COMMD10: variants seen among roughly 807,000 people sequenced by gnomAD.
COMMD10 encodes the protein COMM domain-containing protein 10.
A neutral mutation model predicts 28.9 loss-of-function variants in COMMD10; 33 were observed. The ratio of observed to expected loss-of-function variants is 1.14; its 90% confidence interval spans 0.87 to 1.53. COMMD10 has a LOEUF of 1.53. Ranked by LOEUF, COMMD10 falls within the 40% of genes most tolerant of loss-of-function variation. COMMD10 has a pLI of 0.00. For missense variants in COMMD10, 310 were observed against 233.4 expected, an observed-to-expected ratio of 1.33 and a Z score of -2.14; for synonymous variants, 110 against 81.7, an observed-to-expected ratio of 1.35 and a Z score of -1.87.
At chr5:116,278,961 C>G (rs1479756846) in intron 5 of COMMD10, among the ~76,000 whole-genome samples, 1 of 151,818 alleles carries the variant, frequency 6.6e-6, no homozygotes, top group Non-Finnish European at 1.5e-5. Flanking sequence ...TCCACTTATT[C>G]TGATATTTTC....
intron 5 of COMMD10, among the ~76,000 whole-genome samples, chr5:116,168,870 G>C (rs1026333903): frequency 2.6e-5 from 4 of 152,164 alleles, no homozygotes; most frequent in Admixed American, 2.6e-4. Flanking sequence ...GCCCACAGGA[G>C]AAAGCGGGAA....
intron 5 of COMMD10, among the ~76,000 whole-genome samples, chr5:116,150,177 TG>T (rs1561632234): frequency 6.6e-6 from 1 of 152,068 alleles, no homozygotes; most frequent in African/African-American, 2.4e-5. Context: ...AGCTATGCAG[TG>T]TTACTTCTGA....
At chr5:116,097,927 C>G (rs1389164990) in intron 4 of COMMD10, among the ~76,000 whole-genome samples, 2 of 152,050 alleles carry the variant, frequency 1.3e-5, no homozygotes, top group African/African-American at 2.4e-5. Flanking sequence ...AAGCCTGCCC[C>G]CATGATCCAG....
intron 5 of COMMD10, among the ~76,000 whole-genome samples, chr5:116,251,563 G>A (rs941925129): frequency 2.7e-5 from 4 of 150,526 alleles, no homozygotes; most frequent in Admixed American, 6.6e-5. Flanking sequence ...TTGTTCTTGC[G>A]ATAGTTTACT....
chr5:116,106,136 C>A (rs1388170126), intron 4 of COMMD10, among the ~76,000 whole-genome samples: 1 of 149,900 alleles, frequency 6.7e-6, no homozygotes, highest in Non-Finnish European at 1.5e-5. Flanking sequence ...CTATAAATTT[C>A]CCTCTGCACA....
intron 5 of COMMD10, among the ~76,000 whole-genome samples, chr5:116,260,394 A>G (rs943084172): frequency 5.3e-5 from 8 of 151,834 alleles, no homozygotes; most frequent in Non-Finnish European, 8.8e-5. Flanking sequence ...TTTAAGAACA[A>G]CTTGCTTAAG....
intron 5 of COMMD10, among the ~76,000 whole-genome samples, chr5:116,263,578 C>T (rs948761050): frequency 6.6e-6 from 1 of 151,612 alleles, no homozygotes; most frequent in Non-Finnish European, 1.5e-5. Context: ...CATTTTACAG[C>T]CTGCTCTCTC....
At chr5:116,219,279 T>TA (rs772491595) in intron 5 of COMMD10, among the ~76,000 whole-genome samples, 9 of 152,122 alleles carry the variant, frequency 5.9e-5, no homozygotes, top group Non-Finnish European at 1.0e-4. Flanking sequence ...AACCGATACA[T>TA]ACAGTTTTCT....
chr5:116,148,028 A>G (rs949830636), intron 5 of COMMD10, among the ~76,000 whole-genome samples: 1 of 151,710 alleles, frequency 6.6e-6, no homozygotes, highest in African/African-American at 2.4e-5. Flanking sequence ...TCCATTTCTT[A>G]TTTCTTTTTT....
At chr5:116,100,633 T>C (rs1343244936) in intron 4 of COMMD10, among the ~76,000 whole-genome samples, 1 of 151,904 alleles carries the variant, frequency 6.6e-6, no homozygotes, top group Non-Finnish European at 1.5e-5. Context: ...AAGACACTTC[T>C]TTTTATCTCT....
At chr5:116,196,431 C>G (rs1018100587) in intron 5 of COMMD10, among the ~76,000 whole-genome samples, 4 of 151,696 alleles carry the variant, frequency 2.6e-5, no homozygotes, top group African/African-American at 9.7e-5. Flanking sequence ...CAAAATCTCA[C>G]AAATCTCCAC....
At chr5:116,198,300 A>G (rs1352680313) in intron 5 of COMMD10, among the ~76,000 whole-genome samples, 1 of 152,180 alleles carries the variant, frequency 6.6e-6, no homozygotes, top group African/African-American at 2.4e-5. Context: ...TTGTATTGAC[A>G]TAATTGGTTG....
intron 5 of COMMD10, among the ~76,000 whole-genome samples, chr5:116,174,104 A>T (rs10058275): frequency 0.31 from 47,104 of 151,914 alleles, 10,213 homozygotes; most frequent in African/African-American, 0.62. Context: ...TAAGTAGGAT[A>T]TGGAGATGGA....
intron 5 of COMMD10, among the ~76,000 whole-genome samples, chr5:116,275,947 GA>G (rs35220875): frequency 4.3e-4 from 63 of 146,400 alleles, no homozygotes; most frequent in Middle Eastern, 3.5e-3. Flanking sequence ...GAAATAAACT[GA>G]AAAAAAAATG....
chr5:116,129,234 C>G lies in COMMD10; in HGVS notation c.400-4834C>G, dbSNP rs534635839. ...CCCATATATTCTTTATCCTGATTCA[C>G]CAATTGTTTACATTTGTTTTACGTT... On this transcript the variant is annotated intron_variant, in intron 4 of 6. Coordinates refer to ENST00000274458, the MANE Select transcript of COMMD10 (RefSeq NM_016144.4). 6.6e-5 allele frequency among the ~76,000 whole-genome samples: 10 copies of G among 151,014 alleles called. No homozygotes were observed. In the East Asian group the frequency reaches 7.8e-4, roughly 12 times the overall value.
Position 116,292,547 on chromosome 5 carries a change from A to T in COMMD10, c.*58A>T, listed in dbSNP as rs1751396253. 4.2e-6 allele frequency: 6 copies of T among 1,426,948 alleles called. No homozygotes were observed. Among genetic ancestry groups the T allele is most frequent in the Non-Finnish European group, 5.8e-6 (6 of 1,041,924 alleles). 88.4% of individuals were successfully genotyped at this position (1,426,948 alleles called of 1,614,324 possible). On this transcript the variant is annotated 3_prime_UTR_variant, in exon 7 of 7. Transcript: ENST00000274458. The stretch of plus-strand genomic sequence containing the variant: ...CTGCCACCTCATTATTTTGCATTGA[A>T]GATACATTGCCAGGTTGTGTTTTCT...
chr5:116,178,653 A>G (rs1277976028), intron 5 of COMMD10, among the ~76,000 whole-genome samples: 5 of 152,132 alleles, frequency 3.3e-5, no homozygotes, highest in African/African-American at 1.2e-4. Context: ...ATATTATAGC[A>G]TCAGGAGATA....
rs113340692 is a variant in COMMD10, at chr5:116,231,257, C to T, written c.511-60260C>T. Among the ~76,000 whole-genome samples, 316 of 152,118 alleles carry T rather than the reference C, an allele frequency of 2.1e-3. 3 individuals are homozygous for T. The highest frequency in any genetic ancestry group is 7.1e-3 in the African/African-American group (293 of 41,502). On this transcript the variant is annotated intron_variant, in intron 5 of 6. Transcript: ENST00000274458. ...AGGGATATCTTGTTAATAAATTTACCGACTACTCACTTGGAATTTTTGATG... is the reference window on the plus strand; with the variant it reads ...AGGGATATCTTGTTAATAAATTTACTGACTACTCACTTGGAATTTTTGATG...
intron 5 of COMMD10, among the ~76,000 whole-genome samples, chr5:116,135,601 A>G (rs7715759): frequency 0.5 from 76,791 of 152,102 alleles, 21,997 homozygotes; most frequent in Non-Finnish European, 0.65. Context: ...ATAGGTGAGT[A>G]CAGTACAGTA....
Sources: allele counts gnomAD v4.1 joint callset (sites outside exome capture counted in the v4.1 genomes callset), GRCh38; gene constraint gnomAD v4.1.1; transcripts MANE v1.5; gene names NCBI Gene and HGNC (gene_info 2026-07-23, HGNC 2026-07-21).